Variants in PTPRN2 observed in about 807,000 individuals in gnomAD.
PTPRN2 encodes receptor-type tyrosine-protein phosphatase N2.
Under a neutral mutation model 118.8 loss-of-function variants are expected in PTPRN2, and 74 were observed. The observed-to-expected ratio is 0.62, with a 90% confidence interval of 0.52 to 0.76. PTPRN2 has a LOEUF of 0.76. Among genes scored for constraint, PTPRN2 ranks in the 30% least tolerant of loss-of-function variants. PTPRN2 has a pLI of 0.00. For synonymous variants in PTPRN2, 641 were observed against 608.0 expected (o/e 1.05, Z -0.80); for missense variants, 1,481 against 1,394.4 (o/e 1.06, Z -0.99).
chr7:158,441,869 GCAGTGGTGGTGA>G (rs1375063652), intron 2 of PTPRN2, among the ~76,000 whole-genome samples: 5 of 147,016 alleles, frequency 3.4e-5, no homozygotes, highest in African/African-American at 1.0e-4. Flanking sequence ...GATGGTCATG[GCAGTGGTGGTGA>G]TAGTGATAGT....
chr7:157,669,787 C>T (rs963182615), intron 13 of PTPRN2, among the ~76,000 whole-genome samples: 1 of 152,192 alleles, frequency 6.6e-6, no homozygotes, highest in African/African-American at 2.4e-5. Flanking sequence ...CCTCTCCGCT[C>T]GCTCAGCCCC....
intron 11 of PTPRN2, among the ~76,000 whole-genome samples, chr7:158,070,755 G>GGTGGTGGAGGTGCCC (rs1811269597): frequency 7.8e-6 from 1 of 129,016 alleles, no homozygotes; most frequent in Non-Finnish European, 1.6e-5. Flanking sequence ...AGGTGCCCGT[G>GGTGGTGGAGGTGCCC]GTGGTGGAGG....
chr7:158,495,082 C>T (rs1435176384), intron 1 of PTPRN2, among the ~76,000 whole-genome samples: 1 of 152,082 alleles, frequency 6.6e-6, no homozygotes, highest in African/African-American at 2.4e-5. Context: ...GTCCCTACTG[C>T]CTGGAGCAGG....
chr7:158,143,545 G>A (rs942747149), intron 6 of PTPRN2, among the ~76,000 whole-genome samples: 3 of 152,198 alleles, frequency 2.0e-5, no homozygotes, highest in African/African-American at 4.8e-5. Context: ...TCATCGGAGG[G>A]AAAGAAACAG....
intron 2 of PTPRN2, among the ~76,000 whole-genome samples, chr7:158,444,088 G>A (rs1217044144): frequency 1.3e-5 from 2 of 152,226 alleles, no homozygotes; most frequent in Non-Finnish European, 2.9e-5. Context: ...CTAGAGAAGG[G>A]AGGGGGCCTG....
chr7:158,095,437 T>C (rs1814554187), intron 10 of PTPRN2, among the ~76,000 whole-genome samples: 1 of 152,082 alleles, frequency 6.6e-6, no homozygotes, highest in African/African-American at 2.4e-5. Flanking sequence ...GTGTTAAGTA[T>C]CTGCATACGC....
rs1355525607 is a variant in PTPRN2 at position 157,869,594 on chromosome 7, C to CAG, written c.1788+29078_1788+29079insCT. Among the ~76,000 whole-genome samples the CAG allele has an allele frequency of 6.6e-6, 1 of 152,100 alleles. No individual in the cohort carries two copies. The highest frequency in any genetic ancestry group is 1.5e-5 in the Non-Finnish European group (1 of 68,020). On this transcript the variant is annotated intron_variant, in intron 12 of 22. Transcript: ENST00000389418. This position sits in a 1 kb window ranked among gnomAD's most constrained non-coding sequence, Gnocchi z 4.2. ...CATCAATGCAGTCTTTTTCCCATTA[C>CAG]TATCTAAGGAAAAATGGGTACCCTC...
At chr7:157,754,648 G>T (rs1404071410) in intron 12 of PTPRN2, among the ~76,000 whole-genome samples, 1 of 152,258 alleles carries the variant, frequency 6.6e-6, no homozygotes, top group Non-Finnish European at 1.5e-5. Context: ...AGTCTGGGGG[G>T]GCCCTTCTCA....
intron 2 of PTPRN2, among the ~76,000 whole-genome samples, chr7:158,452,833 T>C (rs978245939): frequency 1.3e-5 from 2 of 152,210 alleles, no homozygotes; most frequent in African/African-American, 2.4e-5. Flanking sequence ...CAGGAGCATC[T>C]CTTGGAACTG....
At chr7:158,560,592 G>T (rs552979141) in intron 1 of PTPRN2, among the ~76,000 whole-genome samples, 1 of 152,404 alleles carries the variant, frequency 6.6e-6, no homozygotes, top group East Asian at 1.9e-4. Context: ...TGCTGGGACC[G>T]TGTGGCGGTT....
chr7:157,928,734 T>G (rs1248586721), intron 11 of PTPRN2, among the ~76,000 whole-genome samples: 167 of 61,994 alleles, frequency 2.7e-3, no homozygotes, highest in Non-Finnish European at 2.9e-3. Flanking sequence ...GGGCAGAGGG[T>G]GGAAGATGAG....
rs1166837012 is a variant in PTPRN2, at chr7:158,015,345, T to C, written c.1723+65953A>G. 6.6e-6 allele frequency among the ~76,000 whole-genome samples: 1 copy of C among 152,200 alleles called. No homozygotes were observed. The highest frequency in any genetic ancestry group is 6.5e-5 in the Admixed American group (1 of 15,284). On this transcript the variant is annotated intron_variant, in intron 11 of 22. Coordinates refer to ENST00000389418, the MANE Select transcript of PTPRN2 (RefSeq NM_002847.5). The surrounding 1 kb of genome is among the most constrained non-coding windows in gnomAD (Gnocchi z 4.2). ...TGTTCATTTTGTTTTTAACCTAAAA[T>C]GAACAAATCCCCTGTCTACCGATTA...
intron 1 of PTPRN2, among the ~76,000 whole-genome samples, chr7:158,556,737 G>T (rs1188599108): frequency 6.7e-6 from 1 of 149,074 alleles, no homozygotes; most frequent in Non-Finnish European, 1.5e-5. Context: ...GGCGGCTCCC[G>T]GGCAGGTCAG....
intron 2 of PTPRN2, among the ~76,000 whole-genome samples, chr7:158,468,030 C>T (rs143561779): frequency 1.6e-4 from 24 of 152,244 alleles, no homozygotes; most frequent in African/African-American, 5.3e-4. Context: ...TAAAATCTCC[C>T]GTAAATTATA....
chr7:157,597,141 G>GT (rs1384854000), intron 16 of PTPRN2, among the ~76,000 whole-genome samples: 2 of 152,200 alleles, frequency 1.3e-5, no homozygotes, highest in African/African-American at 2.4e-5. Flanking sequence ...AGGAACAGAT[G>GT]TAAGTTATTC....
At chr7:158,081,828 A>T (rs1812865322) in intron 10 of PTPRN2, among the ~76,000 whole-genome samples, 2 of 152,342 alleles carry the variant, frequency 1.3e-5, no homozygotes, top group Middle Eastern at 3.4e-3. Flanking sequence ...ATTAAGAACT[A>T]CTCTGTATAA....
chr7:158,242,019 TTTGC>T (rs1393141540), intron 3 of PTPRN2, among the ~76,000 whole-genome samples: 2 of 152,180 alleles, frequency 1.3e-5, no homozygotes, highest in Non-Finnish European at 2.9e-5. Context: ...TGGAGCCTTG[TTTGC>T]TTGCTTCTGT....
chr7:157,734,989 C>T (rs1800216354), intron 12 of PTPRN2, among the ~76,000 whole-genome samples: 2 of 152,240 alleles, frequency 1.3e-5, no homozygotes, highest in African/African-American at 2.4e-5. Flanking sequence ...ATGCAGGAGT[C>T]CCATCTCCCC....
intron 12 of PTPRN2, among the ~76,000 whole-genome samples, chr7:157,816,983 A>G (rs1806447415): frequency 6.6e-6 from 1 of 152,202 alleles, no homozygotes; most frequent in South Asian, 2.1e-4. Context: ...GCTGCCGACC[A>G]CATGCCTCTG....
Sources: allele counts gnomAD v4.1 joint callset (sites outside exome capture counted in the v4.1 genomes callset), GRCh38; gene constraint gnomAD v4.1.1; non-coding constraint Gnocchi (gnomAD v3.1); transcripts MANE v1.5; gene names NCBI Gene and HGNC (gene_info 2026-07-23, HGNC 2026-07-21).